MAG: variants seen among roughly 807,000 people sequenced by gnomAD.
The protein encoded by MAG is myelin-associated glycoprotein.
MAG carries 30 observed loss-of-function variants against 60.7 expected under a neutral mutation model. The observed-to-expected ratio is 0.49, with a 90% CI of 0.37 to 0.67. The LOEUF is 0.67. Ranked by LOEUF, MAG falls within the 30% of genes least tolerant of loss-of-function variation. The pLI, the probability that MAG is intolerant of heterozygous loss-of-function variation, is 0.00. For synonymous variants in MAG, 384 were observed against 376.8 expected, an observed-to-expected ratio of 1.02 and a Z score of -0.22; for missense variants, 795 against 851.7, an observed-to-expected ratio of 0.93 and a Z score of 0.83.
At chr19:35,310,313 G>A (rs1599659131) in intron 8 of MAG, 152 bp downstream of exon 8, 7 of 1,172,002 alleles carry the variant, frequency 6.0e-6, no homozygotes, top group South Asian at 1.6e-5. Context: ...AGGAGAAGCC[G>A]CCCTGAGTTT....
chr19:35,305,520 T>C (rs2066477439), intron 7 of MAG, among the ~76,000 whole-genome samples: 1 of 152,120 alleles, frequency 6.6e-6, no homozygotes. Flanking sequence ...TGGCATCCAG[T>C]CCCAACAGGG....
intron 4 of MAG, 34 bp from the exon 5 acceptor site, chr19:35,299,520 C>T: frequency 6.7e-7 from 1 of 1,499,748 alleles, no homozygotes; most frequent in Non-Finnish European, 9.1e-7. Flanking sequence ...CCCAGTGCTG[C>T]TTTCTCAGCC....
rs1239835065 is a variant in MAG at position 35,293,942 on chromosome 19, G to A, written c.-79-293G>A. ...TCCCTGCCCGCCACCCCCAGGCCCC[G>A]GCCGTGGGACATCTGCTCCCTCACT... On this transcript the variant is annotated intron_variant, in intron 1 of 10. Transcript: ENST00000392213. The surrounding 1 kb of genome is among the most constrained non-coding windows in gnomAD (Gnocchi z 4.0). Among the ~76,000 whole-genome samples the A allele has an allele frequency of 1.3e-5, 2 of 152,038 alleles. No individual in the cohort carries two copies. The highest frequency in any genetic ancestry group is 3.4e-3 in the Middle Eastern group (1 of 294).
chr19:35,293,344 C>G lies in MAG; in HGVS notation c.-79-891C>G, dbSNP rs909299721. The stretch of plus-strand genomic sequence containing the variant: ...CTGTCCAGGTGTGTGTGGACAGCAG[C>G]AGAGGCATTGCATGCACGCCTTGGG... On this transcript the variant is annotated intron_variant, in intron 1 of 10. Coordinates refer to ENST00000392213, the MANE Select transcript of MAG (RefSeq NM_002361.4). The surrounding 1 kb of genome is among the most constrained non-coding windows in gnomAD (Gnocchi z 4.0). 6.6e-6 allele frequency among the ~76,000 whole-genome samples: 1 copy of G among 151,762 alleles called. No individual in the cohort carries two copies. The highest frequency in any genetic ancestry group is 2.4e-5 in the African/African-American group (1 of 41,260).
At chr19:35,307,423 G>A (rs766522491) in intron 7 of MAG, among the ~76,000 whole-genome samples, 14 of 152,224 alleles carry the variant, frequency 9.2e-5, no homozygotes, top group Non-Finnish European at 1.5e-4. Context: ...CTGAGAACCA[G>A]TGCTCAGTCT....
chr19:35,294,163 A>C (rs566594439), intron 1 of MAG, 72 bp from the exon 2 acceptor site: 1 of 371,024 alleles, frequency 2.7e-6, no homozygotes, highest in South Asian at 1.9e-5. Flanking sequence ...CATGCAGGAG[A>C]TACTGAAGCG....
chr19:35,309,682 C>CCGGCGGGGT (rs2066510769), intron 7 of MAG, 192 bp from the exon 8 acceptor site: 1 of 623,448 alleles, frequency 1.6e-6, no homozygotes, highest in Non-Finnish European at 2.8e-6. Context: ...AAACAGGCAG[C>CCGGCGGGGT]CGGCGGGGTC....
In MAG at chr19:35,300,327, C is replaced by A; in HGVS notation, c.893C>A (p.Ala298Asp). The change falls in exon 6 of 11, where the codon GCC (alanine) becomes GAC (aspartate). Residue 298 changes from alanine (A) to aspartate (D), a missense_variant. Physicochemically the swap from Ala to Asp is moderately radical, Grantham distance 126. Transcript: ENST00000392213. ...CTGGAGCTGGAGGAGGTGACCCCCG[C>A]CGAAGACGGCGTCTATGCCTGCCTG... ...LLLELEEVTPAEDGVYACLAE... is the reference protein window; with the variant it reads ...LLLELEEVTPDEDGVYACLAE... 3 of 1,599,134 alleles carry A rather than the reference C, an allele frequency of 1.9e-6. No homozygotes were observed. Among genetic ancestry groups the A allele is most frequent in the Non-Finnish European group, 2.5e-6 (3 of 1,179,438 alleles).
chr19:35,312,749 G>T (rs2066538098), intron 10 of MAG: 6 of 215,012 alleles, frequency 2.8e-5, no homozygotes, highest in South Asian at 2.0e-4. Flanking sequence ...TATGTTGAAA[G>T]CTTCCTGGAC....
chr19:35,294,385 G>A (rs2145603058), intron 2 of MAG, 95 bp downstream of exon 2: 1 of 400,744 alleles, frequency 2.5e-6, no homozygotes, highest in Admixed American at 3.5e-5. Flanking sequence ...GAGATCTCCA[G>A]GGGCATCACG....
chr19:35,301,043 A>AT (rs1306988238), intron 6 of MAG, among the ~76,000 whole-genome samples: 2 of 151,630 alleles, frequency 1.3e-5, no homozygotes, highest in Non-Finnish European at 3.0e-5. Context: ...CAATTTTTCT[A>AT]TTTTTTTATA....
intron 7 of MAG, among the ~76,000 whole-genome samples, chr19:35,307,212 G>T (rs2066492234): frequency 6.6e-6 from 1 of 152,250 alleles, no homozygotes; most frequent in South Asian, 2.1e-4. Flanking sequence ...TTGCAGCTCT[G>T]CCCGAACAGG....
chr19:35,302,755 G>A, intron 7 of MAG, 47 bp downstream of exon 7: 1 of 1,595,376 alleles, frequency 6.3e-7, no homozygotes, highest in Non-Finnish European at 8.5e-7. Context: ...GGTTCCGTGG[G>A]GGACACCAGG....
chr19:35,311,575 A>C (rs1173858930), intron 9 of MAG, among the ~76,000 whole-genome samples: 1 of 152,202 alleles, frequency 6.6e-6, no homozygotes, highest in African/African-American at 2.4e-5. Flanking sequence ...GCACACACAC[A>C]TCAGCTGTCC....
At chr19:35,311,651 T>C (rs2066527833) in intron 9 of MAG, among the ~76,000 whole-genome samples, 1 of 152,082 alleles carries the variant, frequency 6.6e-6, no homozygotes, top group Admixed American at 6.5e-5. Context: ...ACCCAGAGCC[T>C]ATGAGGGGAA....
intron 9 of MAG, among the ~76,000 whole-genome samples, chr19:35,311,076 T>G (rs1568477062): frequency 6.6e-6 from 1 of 152,196 alleles, no homozygotes; most frequent in Non-Finnish European, 1.5e-5. Flanking sequence ...CTCACGCCTG[T>G]TATCCCGCAC....
intron 7 of MAG, 110 bp from the exon 8 acceptor site, chr19:35,309,764 C>T: frequency 8.3e-7 from 1 of 1,203,512 alleles, no homozygotes; most frequent in Non-Finnish European, 1.2e-6. Flanking sequence ...CTACAGGAAG[C>T]TACCGCCCCC....
rs1329301866 is a variant in MAG at position 35,302,725 on chromosome 19, C to T, written c.1231+17C>T. The T allele has an allele frequency of 6.2e-7, 1 of 1,609,928 alleles. No individual in the cohort carries two copies. Among genetic ancestry groups the T allele is most frequent in the African/African-American group, 1.3e-5 (1 of 74,900 alleles). On this transcript the variant is annotated intron_variant, in intron 7 of 10. Transcript: ENST00000392213. ...CTGTGGAGTGTGAGTACCTTCCGCT[C>T]CCCTATGCTGGGGATGGACGGTTCC... is the stretch of plus-strand genomic sequence containing the variant.
In MAG at chr19:35,310,142, G is replaced by A. The variant is rs932318325; in HGVS notation, c.1500G>A (p.Glu500=). The A allele has an allele frequency of 2.5e-6, 4 of 1,607,642 alleles. No homozygotes were observed. The highest frequency in any genetic ancestry group is 2.6e-6 in the Non-Finnish European group (3 of 1,175,434). ...ARNLYGAKSL[E]LPFQGAHRLM... ...ACCTCTATGGCGCCAAGAGCCTGGA[G>A]CTGCCCTTCCAGGGAGCCCGTGAGT... The change falls in exon 8 of 11, where the codon GAG becomes GAA. Residue 500 remains glutamate, a synonymous_variant. Transcript: ENST00000392213.
Sources: gnomAD v4.1 joint callset for allele counts (sites outside exome capture counted in the v4.1 genomes callset) on GRCh38, gnomAD v4.1.1 for gene constraint, Gnocchi (gnomAD v3.1) non-coding constraint, MANE v1.5 for transcripts, NCBI Gene and HGNC (gene_info 2026-07-23, HGNC 2026-07-21) for gene names.